MOK: variants seen among roughly 807,000 people sequenced by gnomAD.
MOK encodes the protein MOK protein kinase, also known as MAPK/MAK/MRK overlapping kinase.
A neutral mutation model predicts 54.2 loss-of-function variants in MOK; 59 were observed. That is an observed-to-expected ratio of 1.09 (90% CI 0.88 to 1.35). MOK has a LOEUF of 1.35. MOK is among the 40% of genes most tolerant of loss of function. The probability of loss-of-function intolerance (pLI) is 0.00; values close to 1 mark genes in which losing one functional copy is unlikely to be tolerated. For missense variants in MOK, 517 were observed against 526.2 expected (o/e 0.98, Z 0.17); for synonymous variants, 210 against 202.7 (o/e 1.04, Z -0.31).
At position 102,230,519 on chromosome 14, in the gene MOK, C is replaced by G. The variant is rs533607991; in HGVS notation, c.982-862G>C. The G allele has an allele frequency of 6.6e-6, 1 of 152,380 alleles. No individual in the cohort carries two copies. The highest frequency in any genetic ancestry group is 1.5e-5 in the Non-Finnish European group (1 of 68,070). 9.4% of individuals were successfully genotyped at this position (152,380 alleles called of 1,614,324 possible). ...AGGGAGTGTAACGAACACCCCACGG[C>G]CACGGGGCCTAAAATATTTCCTATC... On this transcript the variant is annotated intron_variant, in intron 10 of 11. Transcript: ENST00000361847. This position sits in a 1 kb window ranked among gnomAD's most constrained non-coding sequence, Gnocchi z 4.1.
intron 2 of MOK, among the ~76,000 whole-genome samples, chr14:102,267,298 G>A (rs947449801): frequency 4.6e-5 from 7 of 152,230 alleles, no homozygotes; most frequent in African/African-American, 4.8e-5. Flanking sequence ...AGGCGTGGTC[G>A]CTCATGCCTG....
At chr14:102,273,258 A>C (rs2153153025) in intron 2 of MOK, among the ~76,000 whole-genome samples, 1 of 151,082 alleles carries the variant, frequency 6.6e-6, no homozygotes, top group East Asian at 1.9e-4. Flanking sequence ...AATCCTAAGA[A>C]AGCAACCAAA....
chr14:102,285,068 G>C (rs896591344), intron 1 of MOK, among the ~76,000 whole-genome samples: 3 of 143,826 alleles, frequency 2.1e-5, no homozygotes, highest in Non-Finnish European at 4.5e-5. Context: ...GGGCTACAGA[G>C]TGAGATGTCA....
Position 102,232,911 on chromosome 14 carries a change from G to C in MOK, c.693-203C>G. ...TCTGTGTAGTAATGAGATATCCACG[G>C]TTCATCGACCATAATAAACACACCA... On this transcript the variant is annotated intron_variant, in intron 8 of 11. Transcript: ENST00000361847. The surrounding 1 kb of genome is among the most constrained non-coding windows in gnomAD (Gnocchi z 5.1). 2.3e-6 allele frequency: 1 copy of C among 441,710 alleles called. No homozygotes were observed. The highest frequency in any genetic ancestry group is 3.8e-5 in the Admixed American group (1 of 26,260). The allele number at this position is 441,710 out of a possible 1,614,324, so 27.4% of individuals were successfully genotyped here.
chr14:102,231,643 G>T lies in MOK; in HGVS notation c.981+64C>A. The stretch of plus-strand genomic sequence containing the variant: ...TGGCGTCCTCCTGAGAGAGACACAG[G>T]CCACCCGAGGGCATCCAGTCCCGGC... On this transcript the variant is annotated intron_variant, in intron 10 of 11. Transcript: ENST00000361847. This position sits in a 1 kb window ranked among gnomAD's most constrained non-coding sequence, Gnocchi z 4.4. 6.8e-7 allele frequency: 1 copy of T among 1,464,292 alleles called. No homozygotes were observed. The highest frequency in any genetic ancestry group is 9.5e-7 in the Non-Finnish European group (1 of 1,051,756). 90.7% of individuals were successfully genotyped at this position (1,464,292 alleles called of 1,614,324 possible). A position where few individuals can be genotyped will look rare whatever the true frequency, so the allele number is the denominator to read the frequency against.
At position 102,305,079 on chromosome 14, in the gene MOK, G is replaced by T; in HGVS notation, c.-111C>A. 7.8e-7 allele frequency: 1 copy of T among 1,283,138 alleles called. No homozygotes were observed. The highest frequency in any genetic ancestry group is 2.0e-5 in the Admixed American group (1 of 50,490). The allele number at this position is 1,283,138 out of a possible 1,614,324, so 79.5% of individuals were successfully genotyped here. On this transcript the variant is annotated 5_prime_UTR_variant, in exon 1 of 12. Coordinates refer to ENST00000361847, the MANE Select transcript of MOK (RefSeq NM_014226.3). ...TCCCTGAGGCGGGGTCCCGCACTAGGATCTCCGTGGTGGTCCCTCGAAGGA... is the reference window on the plus strand; with the variant it reads ...TCCCTGAGGCGGGGTCCCGCACTAGTATCTCCGTGGTGGTCCCTCGAAGGA...
chr14:102,264,648 C>A (rs1166595935), intron 3 of MOK: 2 of 152,250 alleles, frequency 1.3e-5, no homozygotes, highest in Admixed American at 6.5e-5. Context: ...TACATACAAA[C>A]TGCACTCTCT....
intron 1 of MOK, among the ~76,000 whole-genome samples, chr14:102,287,698 C>A (rs1301799518): frequency 1.3e-5 from 2 of 151,796 alleles, no homozygotes; most frequent in African/African-American, 4.8e-5. Context: ...TCACTAGAAT[C>A]AAAAACATAG....
At chr14:102,302,413 ATTTAT>A (rs1015980586) in intron 1 of MOK, among the ~76,000 whole-genome samples, 1 of 150,912 alleles carries the variant, frequency 6.6e-6, no homozygotes, top group African/African-American at 2.4e-5. Context: ...ATATATACAT[ATTTAT>A]TTTCTTTTTT....
chr14:102,254,844 C>G (rs576232013), intron 4 of MOK, among the ~76,000 whole-genome samples: 1 of 152,274 alleles, frequency 6.6e-6, no homozygotes, highest in South Asian at 2.1e-4. Context: ...CTGGTTGCTC[C>G]CAAAGCTCGC....
intron 2 of MOK, among the ~76,000 whole-genome samples, chr14:102,279,170 G>A (rs36045249): frequency 0.13 from 19,765 of 152,106 alleles, 1,771 homozygotes; most frequent in African/African-American, 0.25. Flanking sequence ...TCACTGCCTC[G>A]GGGCACAAAG....
intron 7 of MOK, among the ~76,000 whole-genome samples, chr14:102,248,098 A>G (rs2066233053): frequency 6.6e-6 from 1 of 152,178 alleles, no homozygotes; most frequent in Non-Finnish European, 1.5e-5. Flanking sequence ...CCTTCCCAGC[A>G]AGAAGTGGCC....
chr14:102,255,094 C>A (rs910618078), intron 4 of MOK, among the ~76,000 whole-genome samples: 8 of 152,006 alleles, frequency 5.3e-5, no homozygotes, highest in African/African-American at 1.9e-4. Flanking sequence ...CTGAGGCAGG[C>A]GGATCACGAG....
rs373309575 is a variant in MOK, at chr14:102,231,866, G to A, written c.867-45C>T. 66 of 1,526,344 alleles carry A rather than the reference G, an allele frequency of 4.3e-5. No individual in the cohort carries two copies. The highest frequency in any genetic ancestry group is 9.1e-5 in the East Asian group (4 of 43,974). The allele number at this position is 1,526,344 out of a possible 1,614,324, so 94.6% of individuals were successfully genotyped here. On this transcript the variant is annotated intron_variant, in intron 9 of 11. Coordinates refer to ENST00000361847, the MANE Select transcript of MOK (RefSeq NM_014226.3). The surrounding 1 kb of genome is among the most constrained non-coding windows in gnomAD (Gnocchi z 4.4). ...AATGGAGCAGCTCCACTGAGAGCCCGCAGAGCACACGGCCTACTGGCTTCT... is the reference window on the plus strand; with the variant it reads ...AATGGAGCAGCTCCACTGAGAGCCCACAGAGCACACGGCCTACTGGCTTCT...
At position 102,283,507 on chromosome 14, in the gene MOK, T is replaced by C. The variant is rs2069692716; in HGVS notation, c.93A>G (p.Ala31=). 6.2e-7 allele frequency: 1 copy of C among 1,612,920 alleles called. No homozygotes were observed. The change falls in exon 2 of 12, where the codon GCA becomes GCG. Residue 31 remains alanine, a synonymous_variant. Coordinates refer to ENST00000361847, the MANE Select transcript of MOK (RefSeq NM_014226.3). ...CAAAGCGCTGCTTCATTTGTTTACA[T>C]GCATAGTAGTTTCCATCTCTCAGGC... is the stretch of plus-strand genomic sequence containing the variant. The part of the protein sequence containing the change: ...MQSLRDGNYY[A]CKQMKQRFES...
At chr14:102,278,042 T>G (rs958488654) in intron 2 of MOK, among the ~76,000 whole-genome samples, 1 of 152,112 alleles carries the variant, frequency 6.6e-6, no homozygotes, top group African/African-American at 2.4e-5. Flanking sequence ...CTAGAGAACA[T>G]GCGACCTCTC....
intron 1 of MOK, among the ~76,000 whole-genome samples, chr14:102,295,873 C>T (rs1380606389): frequency 6.6e-6 from 1 of 152,238 alleles, no homozygotes; most frequent in Non-Finnish European, 1.5e-5. Context: ...TGATGGCTCA[C>T]ATCTGTAATC....
At chr14:102,256,184 C>G (rs1198082689) in intron 4 of MOK, among the ~76,000 whole-genome samples, 1 of 151,832 alleles carries the variant, frequency 6.6e-6, no homozygotes, top group African/African-American at 2.4e-5. Flanking sequence ...GCAGCCTCGA[C>G]CTCCTGGGCT....
chr14:102,231,899 C>T lies in MOK; in HGVS notation c.867-78G>A. 1 of 1,202,946 alleles carries T rather than the reference C, an allele frequency of 8.3e-7. No homozygotes were observed. The highest frequency in any genetic ancestry group is 1.2e-6 in the Non-Finnish European group (1 of 832,510). 74.5% of individuals were successfully genotyped at this position (1,202,946 alleles called of 1,614,324 possible). ...CACGGCCTACTGGCTTCTTTGTCTC[C>T]AATTTGTCTACTGTGTGAGTTGTCA... On this transcript the variant is annotated intron_variant, in intron 9 of 11. Transcript: ENST00000361847. The surrounding 1 kb of genome is among the most constrained non-coding windows in gnomAD (Gnocchi z 4.4).
Sources: gnomAD v4.1 joint callset for allele counts (sites outside exome capture counted in the v4.1 genomes callset) on GRCh38, gnomAD v4.1.1 for gene constraint, Gnocchi (gnomAD v3.1) non-coding constraint, MANE v1.5 for transcripts, NCBI Gene and HGNC (gene_info 2026-07-23, HGNC 2026-07-21) for gene names.